GOLGA2: variants seen among roughly 807,000 people sequenced by gnomAD.
GOLGA2 encodes the protein golgin subfamily A member 2.
GOLGA2 carries 49 observed loss-of-function variants against 148.8 expected under a neutral mutation model. The ratio of observed to expected loss-of-function variants is 0.33; its 90% CI spans 0.26 to 0.42. The LOEUF (loss-of-function observed/expected upper bound fraction) is 0.42, where lower values mean the gene tolerates loss of function less well. Among genes scored for constraint, GOLGA2 ranks in the 10% least tolerant of loss-of-function variants. GOLGA2 has a pLI of 1.00. For missense variants in GOLGA2, 1,178 were observed against 1,304.6 expected, an observed-to-expected ratio of 0.90 and a Z score of 1.49; for synonymous variants, 501 against 511.8, an observed-to-expected ratio of 0.98 and a Z score of 0.28.
chr9:128,266,088 C>G lies in GOLGA2; in HGVS notation c.682-68G>C. On this transcript the variant is annotated intron_variant, in intron 9 of 26. Coordinates refer to ENST00000611957, the MANE Select transcript of GOLGA2 (RefSeq NM_001366244.2). The surrounding 1 kb of genome is among the most constrained non-coding windows in gnomAD (Gnocchi z 4.2). Reference sequence around the variant, plus strand: ...AGACGGCACAGCAAGGGACATGCCCCCAGAATGCCACCAATGTCCCAGGAC... The same window carrying G: ...AGACGGCACAGCAAGGGACATGCCCGCAGAATGCCACCAATGTCCCAGGAC... 5 of 1,446,404 alleles carry G rather than the reference C, an allele frequency of 3.5e-6. No homozygotes were observed. In the East Asian group the frequency reaches 1.1e-4, roughly 33 times the overall value. The allele number at this position is 1,446,404 out of a possible 1,614,324, so 89.6% of individuals were successfully genotyped here. A position where few individuals can be genotyped will look rare whatever the true frequency, so the allele number is the denominator to read the frequency against.
intron 12 of GOLGA2, among the ~76,000 whole-genome samples, chr9:128,263,499 G>T (rs1440499608): frequency 6.6e-6 from 1 of 151,982 alleles, no homozygotes; most frequent in Non-Finnish European, 1.5e-5. Flanking sequence ...CTCACTGCAA[G>T]CTCCGCCTCC....
At chr9:128,262,965 C>T (rs1830363544) in intron 13 of GOLGA2, 69 bp downstream of exon 13, 5 of 1,073,046 alleles carry the variant, frequency 4.7e-6, no homozygotes, top group South Asian at 1.2e-5. Flanking sequence ...TACCTGTACC[C>T]CCCACCTCCC....
rs530268208 is a variant in GOLGA2, at chr9:128,271,740, T to C, written c.288+1045A>G. Reference sequence around the variant, plus strand: ...GCTGAGCATTTGGAATGTTCCAAAATTCTCTCTTGCCTCCTTCAGAGGAGT... The same window carrying C: ...GCTGAGCATTTGGAATGTTCCAAAACTCTCTCTTGCCTCCTTCAGAGGAGT... On this transcript the variant is annotated intron_variant, in intron 3 of 26. Transcript: ENST00000611957. This position sits in a 1 kb window ranked among gnomAD's most constrained non-coding sequence, Gnocchi z 4.4. Among the ~76,000 whole-genome samples, 3 of 152,346 alleles carry C rather than the reference T, an allele frequency of 2.0e-5. No individual in the cohort carries two copies. Among genetic ancestry groups the C allele is most frequent in the African/African-American group, 7.2e-5 (3 of 41,584 alleles).
rs369813932 is a variant in GOLGA2, at chr9:128,260,765, G to C, written c.1458C>G (p.Ser486=). The change falls in exon 18 of 27, where the codon TCC becomes TCG. Residue 486 remains serine (S), a synonymous_variant. Transcript: ENST00000611957. This position sits in a 1 kb window ranked among gnomAD's most constrained non-coding sequence, Gnocchi z 4.8. ...PPPPEPPAGP[S]EVEQQLQAEA... ...CCGCTTGTAGCTGCTGCTCCACCTCGGAGGGCCCTGCTGGGGGCTCTGGGG... is the reference window on the plus strand; with the variant it reads ...CCGCTTGTAGCTGCTGCTCCACCTCCGAGGGCCCTGCTGGGGGCTCTGGGG... 1.9e-6 allele frequency: 3 copies of C among 1,611,732 alleles called. No individual in the cohort carries two copies. Among genetic ancestry groups the C allele is most frequent in the Non-Finnish European group, 2.5e-6 (3 of 1,179,352 alleles).
chr9:128,260,039 C>T lies in GOLGA2; in HGVS notation c.1872+37G>A, dbSNP rs748473256. The T allele has an allele frequency of 1.4e-6, 2 of 1,437,074 alleles. No individual in the cohort carries two copies. 89.0% of individuals were successfully genotyped at this position (1,437,074 alleles called of 1,614,324 possible). On this transcript the variant is annotated intron_variant, in intron 19 of 26. Coordinates refer to ENST00000611957, the MANE Select transcript of GOLGA2 (RefSeq NM_001366244.2). This position sits in a 1 kb window ranked among gnomAD's most constrained non-coding sequence, Gnocchi z 4.8. Reference sequence around the variant, plus strand: ...CACCACCCCTCCCCAGAGGCTGGTGCCCGCCTCCCAGCCCTTCTTGGATGG... The same window carrying T: ...CACCACCCCTCCCCAGAGGCTGGTGTCCGCCTCCCAGCCCTTCTTGGATGG...
chr9:128,268,394 TG>T (rs1830728904), intron 4 of GOLGA2, 25 bp downstream of exon 4: 1 of 1,265,792 alleles, frequency 7.9e-7, no homozygotes, highest in Non-Finnish European at 1.2e-6. Flanking sequence ...AGGAGGGCAG[TG>T]GGCAGAGGGG....
Position 128,260,102 on chromosome 9 carries a change from C to T in GOLGA2, c.1846G>A (p.Glu616Lys), listed in dbSNP as rs1564363251. 1 of 1,610,720 alleles carries T rather than the reference C, an allele frequency of 6.2e-7. No individual in the cohort carries two copies. Among genetic ancestry groups the T allele is most frequent in the South Asian group, 1.1e-5 (1 of 91,056 alleles). The change falls in exon 19 of 27, where the codon GAG becomes AAG. Residue 616 changes from glutamate to lysine, a missense_variant. Transcript: ENST00000611957. This position sits in a 1 kb window ranked among gnomAD's most constrained non-coding sequence, Gnocchi z 4.8. Reference sequence around the variant, plus strand: ...GTTTCCTTCAGCTCGCTCAGCTTCTCCTGCAGCTCGCCCAGCTTCTTTCCC... The same window carrying T: ...GTTTCCTTCAGCTCGCTCAGCTTCTTCTGCAGCTCGCCCAGCTTCTTTCCC... ...ELGKKLGELQ[E>K]KLSELKETVE...
chr9:128,265,575 T>C lies in GOLGA2; in HGVS notation c.933+10A>G. 3.8e-6 allele frequency: 6 copies of C among 1,582,830 alleles called. No individual in the cohort carries two copies. Among genetic ancestry groups the C allele is most frequent in the Non-Finnish European group, 5.2e-6 (6 of 1,151,726 alleles). ...GTATGCCAGGGGACGGGGCAGGCAG[T>C]TGGACTCACCCTGTCTGCCTTCTTC... On this transcript the variant is annotated intron_variant, in intron 12 of 26. Coordinates refer to ENST00000611957, the MANE Select transcript of GOLGA2 (RefSeq NM_001366244.2).
intron 3 of GOLGA2, among the ~76,000 whole-genome samples, chr9:128,269,616 T>A (rs1830812055): frequency 6.6e-6 from 1 of 152,124 alleles, no homozygotes; most frequent in Non-Finnish European, 1.5e-5. Flanking sequence ...ACCTTACTCT[T>A]CGCCCAAGCC....
rs1830005395 is a variant in GOLGA2 at position 128,258,042 on chromosome 9, C to T, written c.2446G>A (p.Gly816Arg). The change falls in exon 23 of 27, where the codon GGG becomes AGG. Residue 816 changes from glycine (G) to arginine (R), a missense_variant. Around this residue, in one of 5 missense-constraint regions of GOLGA2, gnomAD observed 529 missense variants for 521.8 expected, o/e 1.01. Transcript: ENST00000611957. This position sits in a 1 kb window ranked among gnomAD's most constrained non-coding sequence, Gnocchi z 6.6. ...PEAAAPAPGT[G>R]GDSVCGETHR... ...GTCTCCCCACACACAGAATCACCCC[C>T]GGTCCCTGGGGCTGGGGCTGCTGCC... is the stretch of plus-strand genomic sequence containing the variant. 3.7e-6 allele frequency: 6 copies of T among 1,612,006 alleles called. No individual in the cohort carries two copies. Among genetic ancestry groups the T allele is most frequent in the Middle Eastern group, 1.7e-4 (1 of 6,054 alleles).
rs1831038042 is a variant in GOLGA2 at position 128,272,800 on chromosome 9, T to C, written c.273A>G (p.Pro91=). 7.9e-7 allele frequency: 1 copy of C among 1,265,954 alleles called. No homozygotes were observed. The highest frequency in any genetic ancestry group is 1.2e-5 in the South Asian group (1 of 80,030). 78.4% of individuals were successfully genotyped at this position (1,265,954 alleles called of 1,614,324 possible). ...LNRSNGVALP[P]LDKWKTPKDN... ...ACTGCCTCACCTTCCACTTGTCCAA[T>C]GGGGGGAGCGCTACCCCATTGGAAC... is the stretch of plus-strand genomic sequence containing the variant. The change falls in exon 3 of 27, where the codon CCA becomes CCG. Residue 91 remains proline (P), a synonymous_variant. Coordinates refer to ENST00000611957, the MANE Select transcript of GOLGA2 (RefSeq NM_001366244.2).
intron 2 of GOLGA2, 69 bp downstream of exon 2, chr9:128,273,781 A>G (rs528775253): frequency 1.3e-6 from 2 of 1,557,754 alleles, no homozygotes; most frequent in South Asian, 1.1e-5. Flanking sequence ...TTCTTCCACA[A>G]TCATAACAAT....
chr9:128,262,593 C>A lies in GOLGA2; in HGVS notation c.1104G>T (p.Lys368Asn). The change falls in exon 14 of 27, where the codon AAG (lysine) becomes AAT (asparagine). Residue 368 changes from lysine (K) to asparagine (N), a missense_variant. Coordinates refer to ENST00000611957, the MANE Select transcript of GOLGA2 (RefSeq NM_001366244.2). ...GAAGCAGGAGTTCCGTCATCTCTAA[C>A]TTCTTTTGCAATTCTTCCAAGTTAA... ...MQLNLEELQK[K>N]LEMTELLLQQ... 1 of 1,614,202 alleles carries A rather than the reference C, an allele frequency of 6.2e-7. No individual in the cohort carries two copies. The highest frequency in any genetic ancestry group is 8.5e-7 in the Non-Finnish European group (1 of 1,180,008).
chr9:128,258,156 G>T lies in GOLGA2; in HGVS notation c.2332C>A (p.Gln778Lys). ...TTCAGCTGCCCACGTAGCCTTGCCT[G>T]CTCCTCCTCGGCACTGGCTACAGCT... ...NSAVASAEEE[Q>K]ARLRGQLKEQ... The change falls in exon 23 of 27, where the codon CAG (glutamine) becomes AAG (lysine). Residue 778 changes from glutamine to lysine, a missense_variant. Coordinates refer to ENST00000611957, the MANE Select transcript of GOLGA2 (RefSeq NM_001366244.2). The surrounding 1 kb of genome is among the most constrained non-coding windows in gnomAD (Gnocchi z 6.6). The T allele has an allele frequency of 6.2e-7, 1 of 1,605,326 alleles. No homozygotes were observed.
chr9:128,268,003 G>T lies in GOLGA2; in HGVS notation c.438-6C>A, dbSNP rs1254436066. ...TCTCGGTTGATGAGAAAGTCCTAGG[G>T]ATGGAGACACAGGGGTCAGGGGTGC... On this transcript the variant is annotated splice_polypyrimidine_tract_variant and splice_region_variant and intron_variant, in intron 5 of 26. Transcript: ENST00000611957. The T allele has an allele frequency of 1.2e-6, 2 of 1,613,422 alleles. No individual in the cohort carries two copies. Among genetic ancestry groups the T allele is most frequent in the Non-Finnish European group, 1.7e-6 (2 of 1,179,442 alleles).
Position 128,260,078 on chromosome 9 carries a change from T to C in GOLGA2, c.1870A>G (p.Thr624Ala), listed in dbSNP as rs956818908. The C allele has an allele frequency of 6.2e-7, 1 of 1,605,038 alleles. No individual in the cohort carries two copies. Among genetic ancestry groups the C allele is most frequent in the Non-Finnish European group, 8.5e-7 (1 of 1,175,938 alleles). ...LQEKLSELKE[T>A]VELKSQEAQS... The stretch of plus-strand genomic sequence containing the variant: ...CTTCTTGGATGGGGCGGGGTTACCG[T>C]TTCCTTCAGCTCGCTCAGCTTCTCC... The change falls in exon 19 of 27, where the codon ACG becomes GCG. Residue 624 changes from threonine (T) to alanine (A), a missense_variant and splice_region_variant. Thr to Ala is a moderately conservative substitution (Grantham distance 58). Around this residue, in one of 5 missense-constraint regions of GOLGA2, gnomAD observed 529 missense variants for 521.8 expected, o/e 1.01. Coordinates refer to ENST00000611957, the MANE Select transcript of GOLGA2 (RefSeq NM_001366244.2). This position sits in a 1 kb window ranked among gnomAD's most constrained non-coding sequence, Gnocchi z 4.8.
intron 1 of GOLGA2, chr9:128,275,487 GC>G: frequency 7.7e-7 from 1 of 1,305,528 alleles, no homozygotes; most frequent in South Asian, 2.7e-5. Flanking sequence ...CCGGTTTGGG[GC>G]GGCAGGAGGT....
Position 128,268,169 on chromosome 9 carries a change from G to A in GOLGA2, c.394-9C>T. 6.2e-7 allele frequency: 1 copy of A among 1,611,278 alleles called. No homozygotes were observed. The highest frequency in any genetic ancestry group is 2.2e-5 in the East Asian group (1 of 44,866). ...TTGTCAGCATCATGATTCTGTTTGGGAAGAAACGTGTGAGATGGTCATTCA... is the reference window on the plus strand; with the variant it reads ...TTGTCAGCATCATGATTCTGTTTGGAAAGAAACGTGTGAGATGGTCATTCA... On this transcript the variant is annotated splice_polypyrimidine_tract_variant and intron_variant, in intron 4 of 26. Transcript: ENST00000611957.
At chr9:128,264,549 C>T (rs574155642) in intron 12 of GOLGA2, among the ~76,000 whole-genome samples, 1 of 152,276 alleles carries the variant, frequency 6.6e-6, no homozygotes, top group East Asian at 1.9e-4. Context: ...GCCTCAGCCT[C>T]CCAAGTAGCT....
Sources: gnomAD v4.1 joint callset for allele counts (sites outside exome capture counted in the v4.1 genomes callset) on GRCh38, gnomAD v4.1.1 for gene constraint, gnomAD v4.1.1 regional missense constraint, Gnocchi (gnomAD v3.1) non-coding constraint, MANE v1.5 for transcripts, NCBI Gene and HGNC (gene_info 2026-07-23, HGNC 2026-07-21) for gene names.